CEP95: variants seen among roughly 807,000 people sequenced by gnomAD.
CEP95 encodes the protein centrosomal protein of 95 kDa.
In CEP95, 98 loss-of-function variants were observed where a neutral mutation model predicts 111.2. That is an observed-to-expected ratio of 0.88 (90% confidence interval 0.75 to 1.04). The LOEUF (loss-of-function observed/expected upper bound fraction) is 1.04. Among genes scored for constraint, CEP95 ranks in the 50% least tolerant of loss-of-function variants. The pLI, the probability that CEP95 is intolerant of heterozygous loss-of-function variation, is 0.00. For synonymous variants in CEP95, 323 were observed against 327.1 expected, an observed-to-expected ratio of 0.99 and a Z score of 0.14; for missense variants, 1,027 against 977.2, an observed-to-expected ratio of 1.05 and a Z score of -0.68.
rs797032485 is a variant in CEP95, at chr17:64,534,707, AATG to A, written c.2045_2047del (p.Met682del). ...ATTATAGAGTTCAGTTGTGTGCAAA[AATG>A]ATGAGAATGAGGACCCGGGAAGAAA... On this transcript the variant is annotated inframe_deletion, in exon 17 of 20. Transcript: ENST00000556440. 3.7e-6 allele frequency: 6 copies of A among 1,612,838 alleles called. No individual in the cohort carries two copies. In the African/African-American group the frequency reaches 4.0e-5, roughly 11 times the overall value.
rs1555680674 is a variant in CEP95, at chr17:64,532,959, A to G, written c.1793A>G (p.Lys598Arg). The G allele has an allele frequency of 6.2e-7, 1 of 1,613,870 alleles. No individual in the cohort carries two copies. The highest frequency in any genetic ancestry group is 1.1e-5 in the South Asian group (1 of 91,040). ...CAAATTGCACAGGTTGAACAGCTTA[A>G]GAAAGAAGCATGTAGAGAAAATCGA... Reference protein sequence around the residue: ...KQQIAQVEQLKKEACRENRSK... With the variant: ...KQQIAQVEQLRKEACRENRSK... Residue 598 changes from lysine to arginine, a missense_variant, in exon 15 of 20, where the codon AAG becomes AGG. Lys to Arg is a conservative substitution (Grantham distance 26). Coordinates refer to ENST00000556440, the MANE Select transcript of CEP95 (RefSeq NM_138363.3).
chr17:64,534,994 A>G, intron 17 of CEP95: 1 of 436,836 alleles, frequency 2.3e-6, no homozygotes, highest in Non-Finnish European at 4.3e-6. Context: ...CATAACAGGT[A>G]CTTCTCCAGT....
At chr17:64,532,344 A>G (rs1968338185) in intron 14 of CEP95, 6 of 1,090,464 alleles carry the variant, frequency 5.5e-6, no homozygotes, top group South Asian at 3.7e-5. Context: ...AATGAAAGGG[A>G]TGCTCCAAGG....
chr17:64,528,882 A>G (rs1458878115), intron 11 of CEP95, among the ~76,000 whole-genome samples: 1 of 152,242 alleles, frequency 6.6e-6, no homozygotes, highest in Non-Finnish European at 1.5e-5. Flanking sequence ...AACTTTGCCT[A>G]TAAGCATATA....
At chr17:64,533,711 C>T (rs1555680893) in intron 16 of CEP95, among the ~76,000 whole-genome samples, 2 of 152,124 alleles carry the variant, frequency 1.3e-5, no homozygotes, top group African/African-American at 4.8e-5. Flanking sequence ...GAGATGTTTT[C>T]TATGAAATGA....
Position 64,510,274 on chromosome 17 carries a change from A to G in CEP95, c.250A>G (p.Ile84Val), listed in dbSNP as rs782488066. ...CTACTTGCAGGTCAGCTTGTCTCAC[A>G]TAACAGGTTGGTATATGTATAACTA... ...LDYLQVSLSH[I>V]TGENIVKGDK... is the part of the protein sequence containing the mutation. The change falls in exon 3 of 20, where the codon ATA (isoleucine) becomes GTA (valine). Residue 84 changes from isoleucine (I) to valine (V), a missense_variant. Physicochemically the swap from Ile to Val is conservative, Grantham distance 29 (BLOSUM62 3). Transcript: ENST00000556440. 6 of 1,582,536 alleles carry G rather than the reference A, an allele frequency of 3.8e-6. No individual in the cohort carries two copies. The Admixed American group carries it at 5.1e-5, about 13-fold the overall frequency.
At chr17:64,516,870 C>A in intron 5 of CEP95, 42 bp downstream of exon 5, 1 of 1,168,998 alleles carries the variant, frequency 8.6e-7, no homozygotes, top group Non-Finnish European at 1.3e-6. Context: ...ACAAGTTACG[C>A]TTTTTGGACT....
rs1330698223 is a variant in CEP95 at position 64,537,046 on chromosome 17, A to G, written c.2223A>G (p.Ser741=). The part of the protein sequence containing the change: ...SMENYYKDQF[S]LLAEAISQEH... ...TTTTTTCTTCCTATAAACAGTTTTC[A>G]TTGCTGGCAGAAGCCATATCACAGG... The change falls in exon 19 of 20, where the codon TCA becomes TCG. Residue 741 remains serine (S), a synonymous_variant. Coordinates refer to ENST00000556440, the MANE Select transcript of CEP95 (RefSeq NM_138363.3). 1.2e-6 allele frequency: 2 copies of G among 1,611,334 alleles called. No individual in the cohort carries two copies. Among genetic ancestry groups the G allele is most frequent in the Non-Finnish European group, 8.5e-7 (1 of 1,178,566 alleles).
chr17:64,525,710 G>A, intron 8 of CEP95, 60 bp from the exon 9 acceptor site: 1 of 1,131,450 alleles, frequency 8.8e-7, no homozygotes, highest in Non-Finnish European at 1.3e-6. Flanking sequence ...CTCACTCCCA[G>A]AAAGTTCATG....
intron 10 of CEP95, among the ~76,000 whole-genome samples, chr17:64,526,518 G>T (rs1967836069): frequency 6.6e-6 from 1 of 152,180 alleles, no homozygotes; most frequent in Admixed American, 6.5e-5. Context: ...GACAGATCTG[G>T]TATAAAATTG....
At chr17:64,532,682 C>T in intron 14 of CEP95, 157 bp from the exon 15 acceptor site, 1 of 1,431,330 alleles carries the variant, frequency 7.0e-7, no homozygotes, top group Non-Finnish European at 9.1e-7. Flanking sequence ...TGGCTTACTC[C>T]AATCAGAGGA....
rs782358833 is a variant in CEP95 at position 64,537,144 on chromosome 17, C to T, written c.2289+32C>T. The stretch of plus-strand genomic sequence containing the variant: ...ATTAAGATAGAAGCCAAGTCATGCA[C>T]TGCATGGCAATGTTTCTTTCAGCAA... On this transcript the variant is annotated intron_variant, in intron 19 of 19. Transcript: ENST00000556440. 15 of 1,602,050 alleles carry T rather than the reference C, an allele frequency of 9.4e-6. No homozygotes were observed. The Admixed American group carries it at 1.4e-4, about 15-fold the overall frequency.
rs1555675868 is a variant in CEP95, at chr17:64,514,302, T to C, written c.311T>C (p.Phe104Ser). Residue 104 changes from phenylalanine (F) to serine (S), a missense_variant, in exon 4 of 20, where the codon TTT (phenylalanine) becomes TCT (serine). Phe to Ser is a radical substitution (Grantham distance 155). Coordinates refer to ENST00000556440, the MANE Select transcript of CEP95 (RefSeq NM_138363.3). ...TCTATTAAGAATCTCCTGGAAATAT[T>C]TGATGGTTTGTTGGAGTATCTTACA... Reference protein sequence around the residue: ...KESIKNLLEIFDGLLEYLTER... With the variant: ...KESIKNLLEISDGLLEYLTER... The C allele has an allele frequency of 6.6e-7, 1 of 1,517,700 alleles. No homozygotes were observed. The highest frequency in any genetic ancestry group is 9.0e-7 in the Non-Finnish European group (1 of 1,116,750). The allele number at this position is 1,517,700 out of a possible 1,614,324, so 94.0% of individuals were successfully genotyped here.
At position 64,527,156 on chromosome 17, in the gene CEP95, C is replaced by A. The variant is rs1568146072; in HGVS notation, c.1198C>A (p.His400Asn). The A allele has an allele frequency of 6.2e-7, 1 of 1,612,972 alleles. No individual in the cohort carries two copies. Among genetic ancestry groups the A allele is most frequent in the Non-Finnish European group, 8.5e-7 (1 of 1,179,360 alleles). Residue 400 changes from histidine to asparagine, a missense_variant, in exon 11 of 20, where the codon CAT (histidine) becomes AAT (asparagine). Physicochemically the swap from His to Asn is moderately conservative, Grantham distance 68. Coordinates refer to ENST00000556440, the MANE Select transcript of CEP95 (RefSeq NM_138363.3). ...LGDRIKEKTD[H>N]KEENTGNEEV... is the part of the protein sequence containing the mutation. Reference sequence around the variant, plus strand: ...TGATCGGATTAAAGAAAAGACTGACCATAAAGAAGAAAATACTGGAAATGA... The same window carrying A: ...TGATCGGATTAAAGAAAAGACTGACAATAAAGAAGAAAATACTGGAAATGA...
In CEP95 at chr17:64,525,908, T is replaced by C. The variant is rs75453962; in HGVS notation, c.1022+26T>C. 6.9e-3 allele frequency: 10,436 copies of C among 1,506,914 alleles called. 645 individuals are homozygous for C. The African/African-American group carries it at 0.13, about 19-fold the overall frequency. 93.3% of individuals were successfully genotyped at this position (1,506,914 alleles called of 1,614,324 possible). On this transcript the variant is annotated intron_variant, in intron 9 of 19. Coordinates refer to ENST00000556440, the MANE Select transcript of CEP95 (RefSeq NM_138363.3). ...GTAACATTACTGCAGACTTCAGTGT[T>C]TACAGTCTGTTTACAAAGGAATTTG...
At chr17:64,535,096 A>C (rs1167436990) in intron 17 of CEP95, 1 of 279,650 alleles carries the variant, frequency 3.6e-6, no homozygotes, top group Non-Finnish European at 7.0e-6. Flanking sequence ...ACTAGTGTCC[A>C]GCTGTGCTGT....
chr17:64,522,821 G>A lies in CEP95; in HGVS notation c.835G>A (p.Gly279Arg). The A allele has an allele frequency of 6.2e-7, 1 of 1,613,676 alleles. No individual in the cohort carries two copies. Among genetic ancestry groups the A allele is most frequent in the Non-Finnish European group, 8.5e-7 (1 of 1,179,828 alleles). Residue 279 changes from glycine (G) to arginine (R), a missense_variant, in exon 8 of 20, where the codon GGA becomes AGA. Physicochemically the swap from Gly to Arg is moderately radical, Grantham distance 125. Coordinates refer to ENST00000556440, the MANE Select transcript of CEP95 (RefSeq NM_138363.3). Reference sequence around the variant, plus strand: ...AGAGCCTCGAGCACCCTGCCCCATAGGAAAAGAATACTTGCATTCAAGTCA... The same window carrying A: ...AGAGCCTCGAGCACCCTGCCCCATAAGAAAAGAATACTTGCATTCAAGTCA... ...PSEPRAPCPI[G>R]KEYLHSSHCS...
rs1555673794 is a variant in CEP95, at chr17:64,508,705, G to C, written c.133G>C (p.Gly45Arg). 7.1e-7 allele frequency: 1 copy of C among 1,407,714 alleles called. No homozygotes were observed. The highest frequency in any genetic ancestry group is 1.5e-5 in the African/African-American group (1 of 68,218). 87.2% of individuals were successfully genotyped at this position (1,407,714 alleles called of 1,614,324 possible). The change falls in exon 2 of 20, where the codon GGA becomes CGA. Residue 45 changes from glycine to arginine, a missense_variant. Transcript: ENST00000556440. ...VFIALYQSIL[G>R]EKVPDLIVIP... is the part of the protein sequence containing the mutation. ...TATTGCTCTTTATCAGTCTATTTTG[G>C]GAGAAAAGGTACCAGGTAAGAATAC...
At chr17:64,522,115 T>G (rs1463487856) in intron 7 of CEP95, among the ~76,000 whole-genome samples, 1 of 152,122 alleles carries the variant, frequency 6.6e-6, no homozygotes, top group African/African-American at 2.4e-5. Context: ...CCTCCCAAAT[T>G]GCTGAGATTA....
Sources: allele counts gnomAD v4.1 joint callset (sites outside exome capture counted in the v4.1 genomes callset), GRCh38; gene constraint gnomAD v4.1.1; transcripts MANE v1.5; gene names NCBI Gene and HGNC (gene_info 2026-07-23, HGNC 2026-07-21).